NR6A1: variants seen among roughly 807,000 people sequenced by gnomAD.
NR6A1 encodes the protein nuclear receptor subfamily 6 group A member 1, also known as retinoic acid receptor-related testis-associated receptor.
A neutral mutation model predicts 59.1 loss-of-function variants in NR6A1; 7 were observed. The ratio of observed to expected loss-of-function variants is 0.12; its 90% confidence interval spans 0.07 to 0.22. The LOEUF (loss-of-function observed/expected upper bound fraction) is 0.22. Ranked by LOEUF, NR6A1 falls within the 10% of genes least tolerant of loss-of-function variation. The pLI, the probability that NR6A1 is intolerant of heterozygous loss-of-function variation, is 1.00. For synonymous variants in NR6A1, 243 were observed against 236.1 expected (o/e 1.03, Z -0.27); for missense variants, 468 against 611.6 (o/e 0.77, Z 2.48).
chr9:124,560,806 C>T (rs898244390), intron 2 of NR6A1, among the ~76,000 whole-genome samples: 1 of 152,186 alleles, frequency 6.6e-6, no homozygotes. Flanking sequence ...GATGATCCAC[C>T]CGCCTCAGCC....
intron 2 of NR6A1, among the ~76,000 whole-genome samples, chr9:124,560,262 G>A (rs1171090007): frequency 6.6e-6 from 1 of 152,170 alleles, no homozygotes; most frequent in Non-Finnish European, 1.5e-5. Context: ...TTCTTGGGAA[G>A]CAGAATGTTG....
chr9:124,756,283 G>C (rs1329560428), intron 1 of NR6A1, among the ~76,000 whole-genome samples: 1 of 152,184 alleles, frequency 6.6e-6, no homozygotes, highest in Non-Finnish European at 1.5e-5. Context: ...ACCCGCTATA[G>C]TTGAGAGAAA....
chr9:124,666,711 A>G (rs879886961), intron 2 of NR6A1, among the ~76,000 whole-genome samples: 5 of 152,196 alleles, frequency 3.3e-5, no homozygotes, highest in Admixed American at 6.5e-5. Context: ...CATTCAAAGG[A>G]TATCTGTTGA....
intron 2 of NR6A1, among the ~76,000 whole-genome samples, chr9:124,644,564 T>G (rs1434545265): frequency 4.6e-5 from 7 of 152,132 alleles, no homozygotes; most frequent in Non-Finnish European, 1.0e-4. Flanking sequence ...TTAAGTCACT[T>G]TCTAAGCTTT....
At position 124,709,622 on chromosome 9, in the gene NR6A1, T is replaced by C. The variant is rs532191385; in HGVS notation, c.142+23686A>G. 6.0e-4 allele frequency among the ~76,000 whole-genome samples: 92 copies of C among 152,162 alleles called. 1 individual carries two copies. In the South Asian group the frequency reaches 0.018, roughly 30 times the overall value. ...TGAAATTCAATTGCATGCTCTGCCA[T>C]TGAGCCCCAAGAGAAAACAAATACT... On this transcript the variant is annotated intron_variant, in intron 2 of 9. Coordinates refer to ENST00000487099, the MANE Select transcript of NR6A1 (RefSeq NM_033334.4).
At chr9:124,621,428 C>T (rs141574556) in intron 2 of NR6A1, among the ~76,000 whole-genome samples, 6 of 151,304 alleles carry the variant, frequency 4.0e-5, no homozygotes, top group Admixed American at 1.3e-4. Context: ...AGATGGATCA[C>T]TTAAGTCCTT....
intron 2 of NR6A1, among the ~76,000 whole-genome samples, chr9:124,629,790 G>C (rs971389201): frequency 2.0e-5 from 3 of 152,174 alleles, no homozygotes; most frequent in Non-Finnish European, 2.9e-5. Flanking sequence ...TCAGTTTGAA[G>C]AACAACTATG....
intron 1 of NR6A1, among the ~76,000 whole-genome samples, chr9:124,755,363 A>C (rs1398398503): frequency 6.6e-6 from 1 of 152,184 alleles, no homozygotes; most frequent in East Asian, 1.9e-4. Flanking sequence ...GGCTTCATTC[A>C]CAAGCACACT....
chr9:124,726,345 C>A (rs919348924), intron 2 of NR6A1, among the ~76,000 whole-genome samples: 6 of 152,342 alleles, frequency 3.9e-5, no homozygotes, highest in African/African-American at 1.4e-4. Flanking sequence ...CTCTAGCCTA[C>A]ATTAGCATAT....
intron 2 of NR6A1, among the ~76,000 whole-genome samples, chr9:124,653,586 T>C (rs964001581): frequency 3.9e-5 from 6 of 152,158 alleles, no homozygotes; most frequent in African/African-American, 1.4e-4. Context: ...AATTTATTTT[T>C]TGTAGATATG....
intron 2 of NR6A1, among the ~76,000 whole-genome samples, chr9:124,693,440 G>C (rs561237664): frequency 6.6e-6 from 1 of 152,300 alleles, no homozygotes; most frequent in South Asian, 2.1e-4. Context: ...GTGGTTTACA[G>C]GTACTAATAT....
intron 2 of NR6A1, among the ~76,000 whole-genome samples, chr9:124,620,161 T>C (rs1203682201): frequency 1.3e-5 from 2 of 152,040 alleles, no homozygotes; most frequent in African/African-American, 2.4e-5. Context: ...TAAATGAATA[T>C]ATATAAATAA....
intron 2 of NR6A1, among the ~76,000 whole-genome samples, chr9:124,663,193 G>A (rs1435820890): frequency 6.6e-6 from 1 of 152,104 alleles, no homozygotes; most frequent in Non-Finnish European, 1.5e-5. Context: ...GGTCAAGACC[G>A]AGTGCAACAA....
At chr9:124,720,347 G>A (rs1192611693) in intron 2 of NR6A1, among the ~76,000 whole-genome samples, 2 of 152,068 alleles carry the variant, frequency 1.3e-5, no homozygotes, top group African/African-American at 2.4e-5. Context: ...CACCACGCCC[G>A]GCCATCTTGA....
intron 2 of NR6A1, among the ~76,000 whole-genome samples, chr9:124,720,329 G>A (rs1306851859): frequency 1.3e-5 from 2 of 152,108 alleles, no homozygotes; most frequent in Admixed American, 6.5e-5. Flanking sequence ...AGGATTACAG[G>A]CGCGAGCCAC....
intron 3 of NR6A1, among the ~76,000 whole-genome samples, chr9:124,548,723 C>T (rs945117338): frequency 6.6e-6 from 1 of 152,194 alleles, no homozygotes; most frequent in African/African-American, 2.4e-5. Flanking sequence ...ATTCTGCAAA[C>T]ATCACCTCCT....
rs1837093506 is a variant in NR6A1 at position 124,651,227 on chromosome 9, T to C, written c.142+82081A>G. On this transcript the variant is annotated intron_variant, in intron 2 of 9. Coordinates refer to ENST00000487099, the MANE Select transcript of NR6A1 (RefSeq NM_033334.4). ...GTGTGCCACTATGCCTGGTTAATTT[T>C]TGTATTTTTTTTTTAGAGATGGGGT... Among the ~76,000 whole-genome samples, 3 of 152,090 alleles carry C rather than the reference T, an allele frequency of 2.0e-5. No individual in the cohort carries two copies. The South Asian group carries it at 6.2e-4, about 32-fold the overall frequency.
intron 2 of NR6A1, among the ~76,000 whole-genome samples, chr9:124,613,566 T>G (rs2130847136): frequency 6.6e-6 from 1 of 151,636 alleles, no homozygotes; most frequent in East Asian, 2.0e-4. Flanking sequence ...GAGGCTGAGG[T>G]GGGAGGATCG....
intron 2 of NR6A1, among the ~76,000 whole-genome samples, chr9:124,715,831 T>C (rs1034603418): frequency 2.6e-5 from 4 of 152,150 alleles, no homozygotes; most frequent in Non-Finnish European, 4.4e-5. Context: ...CAAGACACTA[T>C]GGTATTGGTA....
Sources: gnomAD v4.1 joint callset for allele counts (sites outside exome capture counted in the v4.1 genomes callset) on GRCh38, gnomAD v4.1.1 for gene constraint, MANE v1.5 for transcripts, NCBI Gene and HGNC (gene_info 2026-07-23, HGNC 2026-07-21) for gene names.